Variants in TBC1D5 observed in about 807,000 individuals in gnomAD.
The protein encoded by TBC1D5 is TBC1 domain family, member 5.
In TBC1D5, 75 loss-of-function variants were observed where a neutral mutation model predicts 100.3. The observed-to-expected ratio is 0.75, with a 90% confidence interval of 0.62 to 0.91. The LOEUF is 0.91. TBC1D5 is among the 40% of genes least tolerant of loss of function. The pLI is 0.00. For synonymous variants in TBC1D5, 323 were observed against 325.6 expected (o/e 0.99, Z 0.09); for missense variants, 910 against 942.4 (o/e 0.97, Z 0.45).
At chr3:17,310,161 T>A (rs184318131) in intron 13 of TBC1D5, among the ~76,000 whole-genome samples, 1 of 152,220 alleles carries the variant, frequency 6.6e-6, no homozygotes, top group East Asian at 1.9e-4. Context: ...ACTGCCCAGT[T>A]ATTCCTCAAA....
At chr3:17,691,826 C>CAAAA (rs1273079675) in intron 1 of TBC1D5, among the ~76,000 whole-genome samples, 1 of 58,558 alleles carries the variant, frequency 1.7e-5, no homozygotes. Context: ...TCCGTCTCAA[C>CAAAA]AAAAAAAAAA....
At chr3:17,726,126 T>C (rs2076108132) in intron 1 of TBC1D5, among the ~76,000 whole-genome samples, 1 of 152,230 alleles carries the variant, frequency 6.6e-6, no homozygotes, top group South Asian at 2.1e-4. Context: ...CTGATGGACA[T>C]GTAAGTTGAT....
intron 8 of TBC1D5, among the ~76,000 whole-genome samples, chr3:17,384,939 T>C (rs2093091984): frequency 6.6e-6 from 1 of 152,028 alleles, no homozygotes; most frequent in South Asian, 2.1e-4. Flanking sequence ...AAGAAAACAG[T>C]ATTTTAATTT....
At chr3:17,241,940 T>C (rs1287167709) in intron 16 of TBC1D5, among the ~76,000 whole-genome samples, 1 of 152,202 alleles carries the variant, frequency 6.6e-6, no homozygotes, top group East Asian at 1.9e-4. Context: ...TATTCCAACC[T>C]TAAAAGAATC....
chr3:17,372,583 C>T (rs1308626202), intron 12 of TBC1D5, among the ~76,000 whole-genome samples: 1 of 152,124 alleles, frequency 6.6e-6, no homozygotes, highest in Non-Finnish European at 1.5e-5. Flanking sequence ...AATATCAATA[C>T]AATTAGGTAA....
In TBC1D5 at chr3:17,558,760, A is replaced by G. The variant is rs191148317; in HGVS notation, c.-35-50155T>C. The stretch of plus-strand genomic sequence containing the variant: ...TACTTAACTTTGCTGTAAACTAATA[A>G]GCATCGCTGTGTTACAATAAAACTT... On this transcript the variant is annotated intron_variant, in intron 2 of 21. Coordinates refer to ENST00000253692, the Ensembl canonical transcript of TBC1D5. 2.1e-4 allele frequency among the ~76,000 whole-genome samples: 32 copies of G among 152,364 alleles called. No individual in the cohort carries two copies. In the East Asian group the frequency reaches 6.0e-3, roughly 28 times the overall value.
intron 18 of TBC1D5, among the ~76,000 whole-genome samples, chr3:17,186,895 G>A (rs551705025): frequency 6.2e-4 from 94 of 152,064 alleles, no homozygotes; most frequent in Middle Eastern, 3.4e-3. Context: ...ACTCAAATAA[G>A]AACAAATACT....
intron 13 of TBC1D5, among the ~76,000 whole-genome samples, chr3:17,361,912 A>T (rs1202407497): frequency 6.6e-6 from 1 of 152,116 alleles, no homozygotes; most frequent in African/African-American, 2.4e-5. Flanking sequence ...AGAAAGAAAG[A>T]AAAAGAGAAA....
chr3:17,723,110 C>T (rs1339229675), intron 1 of TBC1D5, among the ~76,000 whole-genome samples: 1 of 152,072 alleles, frequency 6.6e-6, no homozygotes, highest in Non-Finnish European at 1.5e-5. Context: ...CTATTATTAA[C>T]TATATTATTG....
chr3:17,550,711 T>C (rs1186900964), intron 2 of TBC1D5, among the ~76,000 whole-genome samples: 1 of 152,206 alleles, frequency 6.6e-6, no homozygotes, highest in Non-Finnish European at 1.5e-5. Context: ...ATATGTTATA[T>C]GTTTAGTTCT....
At chr3:17,332,810 T>C (rs1339812082) in intron 13 of TBC1D5, among the ~76,000 whole-genome samples, 2 of 151,948 alleles carry the variant, frequency 1.3e-5, no homozygotes, top group Admixed American at 6.6e-5. Context: ...ATGGAATGAA[T>C]GTGGTTAGGT....
chr3:17,192,796 C>T (rs2070121688), intron 18 of TBC1D5, among the ~76,000 whole-genome samples: 1 of 152,250 alleles, frequency 6.6e-6, no homozygotes, highest in African/African-American at 2.4e-5. Context: ...TAGCAGAAAT[C>T]CCACTGGTAG....
At chr3:17,222,796 T>C (rs1170581412) in intron 17 of TBC1D5, among the ~76,000 whole-genome samples, 1 of 152,058 alleles carries the variant, frequency 6.6e-6, no homozygotes, top group African/African-American at 2.4e-5. Flanking sequence ...AAATTCTCTT[T>C]ATTACTCCTG....
intron 3 of TBC1D5, among the ~76,000 whole-genome samples, chr3:17,450,044 C>T (rs1051376203): frequency 1.3e-5 from 2 of 152,144 alleles, no homozygotes; most frequent in African/African-American, 4.8e-5. Context: ...GGGCAGGCCG[C>T]AATCTTTGCT....
At chr3:17,270,196 T>C (rs200281844) in intron 15 of TBC1D5, among the ~76,000 whole-genome samples, 1 of 152,212 alleles carries the variant, frequency 6.6e-6, no homozygotes, top group Non-Finnish European at 1.5e-5. Flanking sequence ...TCCTGACTGG[T>C]GTGAGATGGT....
intron 1 of TBC1D5, among the ~76,000 whole-genome samples, chr3:17,685,870 T>G (rs1416649848): frequency 6.6e-6 from 1 of 152,174 alleles, no homozygotes; most frequent in African/African-American, 2.4e-5. Context: ...TTTAGAAATT[T>G]TCTGCAGGAG....
chr3:17,414,408 T>C (rs1359776262), intron 4 of TBC1D5, among the ~76,000 whole-genome samples: 1 of 152,196 alleles, frequency 6.6e-6, no homozygotes, highest in African/African-American at 2.4e-5. Context: ...CTAATCTATA[T>C]CAAAATACAT....
intron 13 of TBC1D5, among the ~76,000 whole-genome samples, chr3:17,349,976 G>C (rs1206473548): frequency 6.6e-6 from 1 of 152,158 alleles, no homozygotes; most frequent in Admixed American, 6.6e-5. Flanking sequence ...CATGCCCTAT[G>C]AAATAAATTA....
intron 13 of TBC1D5, among the ~76,000 whole-genome samples, chr3:17,317,454 A>G (rs1179702232): frequency 2.0e-5 from 3 of 152,182 alleles, no homozygotes; most frequent in African/African-American, 7.2e-5. Flanking sequence ...TTGGAAATCT[A>G]GAAGTCCAGC....
Sources: allele counts gnomAD v4.1 joint callset (sites outside exome capture counted in the v4.1 genomes callset), GRCh38; gene constraint gnomAD v4.1.1; transcripts MANE v1.5; gene names NCBI Gene and HGNC (gene_info 2026-07-23, HGNC 2026-07-21).